HS6ST3: variants seen among roughly 807,000 people sequenced by gnomAD.
The protein encoded by HS6ST3 is heparan-sulfate 6-O-sulfotransferase 3.
Under a neutral mutation model 36.7 loss-of-function variants are expected in HS6ST3, and 12 were observed. That is an observed-to-expected ratio of 0.33 (90% CI 0.21 to 0.53). HS6ST3 has a LOEUF of 0.53. Ranked by LOEUF, HS6ST3 falls within the 20% of genes least tolerant of loss-of-function variation. HS6ST3 has a pLI of 0.95. For missense variants in HS6ST3, 584 were observed against 640.9 expected (o/e 0.91, Z 0.96); for synonymous variants, 240 against 257.5 (o/e 0.93, Z 0.65).
chr13:96,317,836 T>C lies in HS6ST3; in HGVS notation c.707+226267T>C, dbSNP rs1268814300. On this transcript the variant is annotated intron_variant, in intron 1 of 1. Coordinates refer to ENST00000376705, the MANE Select transcript of HS6ST3 (RefSeq NM_153456.4). ...TTAATTATAATGAGCATTTTTAATA[T>C]GTTTGTTAGCCACTCATATAGTCTT... Among the ~76,000 whole-genome samples, 4 of 152,178 alleles carry C rather than the reference T, an allele frequency of 2.6e-5. No individual in the cohort carries two copies. The South Asian group carries it at 6.2e-4, about 24-fold the overall frequency.
At chr13:96,109,502 GA>G (rs2053858084) in intron 1 of HS6ST3, among the ~76,000 whole-genome samples, 1 of 152,202 alleles carries the variant, frequency 6.6e-6, no homozygotes, top group Admixed American at 6.5e-5. Context: ...GTGTGCAAGG[GA>G]ACTCATTCAC....
chr13:96,470,520 T>C (rs1239872336), intron 1 of HS6ST3, among the ~76,000 whole-genome samples: 2 of 152,186 alleles, frequency 1.3e-5, no homozygotes, highest in Admixed American at 1.3e-4. Flanking sequence ...GTCTCATATC[T>C]GGAATGGGAA....
rs376683127 is a variant in HS6ST3 at position 96,324,907 on chromosome 13, C to T, written c.707+233338C>T. 2.1e-4 allele frequency among the ~76,000 whole-genome samples: 32 copies of T among 152,262 alleles called. No homozygotes were observed. In the East Asian group the frequency reaches 3.5e-3, roughly 17 times the overall value. ...TGAGACAATCCATCTATGTTGTTTT[C>T]GCCACCTAGTTTGGGGTGCTTTGTT... On this transcript the variant is annotated intron_variant, in intron 1 of 1. Coordinates refer to ENST00000376705, the MANE Select transcript of HS6ST3 (RefSeq NM_153456.4).
In HS6ST3 at chr13:96,477,952, C is replaced by T. The variant is rs188057678; in HGVS notation, c.708-354538C>T. Among the ~76,000 whole-genome samples the T allele has an allele frequency of 3.9e-5, 6 of 152,078 alleles. No individual in the cohort carries two copies. The East Asian group carries it at 5.8e-4, about 15-fold the overall frequency. ...TACTCCACACATACACACAAAAAAC[C>T]GAAAGCTAACCCAAACCAAACAAAA... On this transcript the variant is annotated intron_variant, in intron 1 of 1. Transcript: ENST00000376705.
At chr13:96,827,861 G>T (rs558248376) in intron 1 of HS6ST3, among the ~76,000 whole-genome samples, 1 of 152,152 alleles carries the variant, frequency 6.6e-6, no homozygotes, top group Non-Finnish European at 1.5e-5. Flanking sequence ...GTACTGGAAG[G>T]TCCATGGCCA....
chr13:96,575,105 C>G (rs2056315914), intron 1 of HS6ST3, among the ~76,000 whole-genome samples: 1 of 152,106 alleles, frequency 6.6e-6, no homozygotes, highest in African/African-American at 2.4e-5. Flanking sequence ...AGATCAGAAG[C>G]CTTTTGGATG....
chr13:96,172,781 G>C (rs1044386402), intron 1 of HS6ST3, among the ~76,000 whole-genome samples: 12 of 152,218 alleles, frequency 7.9e-5, no homozygotes, highest in African/African-American at 2.9e-4. Context: ...AACCTCTAAA[G>C]GTGTTGCTTA....
chr13:96,824,135 T>C (rs1377633992), intron 1 of HS6ST3, among the ~76,000 whole-genome samples: 1 of 152,240 alleles, frequency 6.6e-6, no homozygotes, highest in East Asian at 1.9e-4. Context: ...TCCCCTCATC[T>C]TACCTATTGA....
intron 1 of HS6ST3, among the ~76,000 whole-genome samples, chr13:96,132,121 TACAC>T (rs60692669): frequency 0.19 from 25,951 of 134,124 alleles, 2,547 homozygotes; most frequent in Non-Finnish European, 0.24. Context: ...AGTATTCCAG[TACAC>T]ACACACACAC....
At chr13:96,476,086 C>T (rs924991358) in intron 1 of HS6ST3, among the ~76,000 whole-genome samples, 5 of 152,256 alleles carry the variant, frequency 3.3e-5, no homozygotes, top group Non-Finnish European at 7.4e-5. Context: ...GAGGTAGCTA[C>T]ATTTCTGTTA....
At chr13:96,267,594 T>G (rs1480164685) in intron 1 of HS6ST3, among the ~76,000 whole-genome samples, 2 of 152,158 alleles carry the variant, frequency 1.3e-5, no homozygotes, top group African/African-American at 4.8e-5. Context: ...AATAATACCA[T>G]GTAGTTTAAG....
At chr13:96,805,437 A>G (rs896637450) in intron 1 of HS6ST3, among the ~76,000 whole-genome samples, 3 of 152,202 alleles carry the variant, frequency 2.0e-5, no homozygotes, top group Non-Finnish European at 4.4e-5. Flanking sequence ...ACTGTGAGTC[A>G]ATTAAACCTC....
At chr13:96,200,074 A>C (rs2054333750) in intron 1 of HS6ST3, among the ~76,000 whole-genome samples, 1 of 152,200 alleles carries the variant, frequency 6.6e-6, no homozygotes, top group South Asian at 2.1e-4. Context: ...AACACTTAAA[A>C]TGAACTTCCC....
chr13:96,316,343 T>A (rs954159481), intron 1 of HS6ST3, among the ~76,000 whole-genome samples: 2 of 151,954 alleles, frequency 1.3e-5, no homozygotes, highest in African/African-American at 4.8e-5. Flanking sequence ...AAAGTCTCAT[T>A]TTAAGCAAGG....
rs147422260 is a variant in HS6ST3 at position 96,693,599 on chromosome 13, A to C, written c.708-138891A>C. On this transcript the variant is annotated intron_variant, in intron 1 of 1. Transcript: ENST00000376705. ...ATTACAGGCGTGAGCCACCATGACC[A>C]GCCGGCCAGATTCTTTAGAGTTGCA... Among the ~76,000 whole-genome samples the C allele has an allele frequency of 5.8e-3, 890 of 152,222 alleles. 11 individuals are homozygous for C. Among genetic ancestry groups the C allele is most frequent in the African/African-American group, 0.02 (821 of 41,538 alleles).
At chr13:96,403,998 TTTTA>T (rs2055464490) in intron 1 of HS6ST3, among the ~76,000 whole-genome samples, 1 of 152,198 alleles carries the variant, frequency 6.6e-6, no homozygotes, top group Non-Finnish European at 1.5e-5. Flanking sequence ...GTCTCCATAT[TTTTA>T]TTTGTCTTTA....
intron 1 of HS6ST3, among the ~76,000 whole-genome samples, chr13:96,311,011 C>G (rs1441412835): frequency 6.6e-6 from 1 of 152,028 alleles, no homozygotes; most frequent in Non-Finnish European, 1.5e-5. Flanking sequence ...TGTGGAAGTT[C>G]AAAAATATTT....
chr13:96,606,516 A>G (rs1393738492), intron 1 of HS6ST3, among the ~76,000 whole-genome samples: 1 of 151,812 alleles, frequency 6.6e-6, no homozygotes, highest in Admixed American at 6.6e-5. Flanking sequence ...AGTGAAAACT[A>G]AACATTAAAT....
intron 1 of HS6ST3, among the ~76,000 whole-genome samples, chr13:96,546,919 T>G (rs889808369): frequency 6.6e-6 from 1 of 152,208 alleles, no homozygotes; most frequent in Admixed American, 6.5e-5. Context: ...CCACAGTTGT[T>G]GTAGCTATGC....
Sources: allele counts gnomAD v4.1 joint callset (sites outside exome capture counted in the v4.1 genomes callset), GRCh38; gene constraint gnomAD v4.1.1; transcripts MANE v1.5; gene names NCBI Gene and HGNC (gene_info 2026-07-23, HGNC 2026-07-21).